DIAPH3: variants seen among roughly 807,000 people sequenced by gnomAD.
DIAPH3 encodes the protein protein diaphanous homolog 3.
Under a neutral mutation model 144.3 loss-of-function variants are expected in DIAPH3, and 117 were observed. The observed-to-expected ratio is 0.81, with a 90% CI of 0.70 to 0.95. The LOEUF is 0.95. DIAPH3 is among the 40% of genes least tolerant of loss of function. The probability of loss-of-function intolerance (pLI) is 0.00; values close to 1 mark genes in which losing one functional copy is unlikely to be tolerated. For synonymous variants in DIAPH3, 519 were observed against 488.9 expected (o/e 1.06, Z -0.81); for missense variants, 1,421 against 1,412.7 (o/e 1.01, Z -0.09).
At chr13:60,090,683 A>C (rs185495295) in intron 4 of DIAPH3, among the ~76,000 whole-genome samples, 130 of 152,312 alleles carry the variant, frequency 8.5e-4, no homozygotes, top group Admixed American at 3.1e-3. Flanking sequence ...GTGGCATGAC[A>C]AAGTCTGTAC....
chr13:59,993,804 C>G lies in DIAPH3; in HGVS notation c.1015-1221G>C, dbSNP rs978975071. Among the ~76,000 whole-genome samples, 3 of 149,038 alleles carry G rather than the reference C, an allele frequency of 2.0e-5. No individual in the cohort carries two copies. The Admixed American group carries it at 2.0e-4, about 10-fold the overall frequency. ...AAAAAGTCAAGTTTAAAATGTTTTC[C>G]TTCCACCCCCTTGCCAGTCATTACC... is the stretch of plus-strand genomic sequence containing the variant. On this transcript the variant is annotated intron_variant, in intron 9 of 27. Coordinates refer to ENST00000400324, the MANE Select transcript of DIAPH3 (RefSeq NM_001042517.2).
chr13:59,854,481 T>C (rs1288385894), intron 22 of DIAPH3, among the ~76,000 whole-genome samples: 1 of 152,132 alleles, frequency 6.6e-6, no homozygotes, highest in Non-Finnish European at 1.5e-5. Flanking sequence ...CCCCAATTGG[T>C]TACATGTCAA....
intron 4 of DIAPH3, among the ~76,000 whole-genome samples, chr13:60,084,043 T>TAGATAGAC (rs1555371908): frequency 2.0e-5 from 3 of 151,652 alleles, no homozygotes; most frequent in Non-Finnish European, 4.4e-5. Flanking sequence ...GATAGATAGA[T>TAGATAGAC]AGATAGATAG....
chr13:59,954,557 T>C (rs1159117391), intron 17 of DIAPH3, among the ~76,000 whole-genome samples: 3 of 152,174 alleles, frequency 2.0e-5, no homozygotes, highest in Non-Finnish European at 4.4e-5. Context: ...GTTAGTTGAC[T>C]TCTCTGGATT....
At chr13:60,076,342 T>C (rs774780556) in intron 4 of DIAPH3, among the ~76,000 whole-genome samples, 5 of 152,282 alleles carry the variant, frequency 3.3e-5, no homozygotes, top group Non-Finnish European at 7.4e-5. Flanking sequence ...ACCCCCTCTG[T>C]CGATCTTCCA....
rs768085712 is a variant in DIAPH3, at chr13:60,008,621, A to T, written c.937T>A (p.Ser313Thr). 6.2e-7 allele frequency: 1 copy of T among 1,613,700 alleles called. No homozygotes were observed. The highest frequency in any genetic ancestry group is 2.2e-5 in the East Asian group (1 of 44,822). Residue 313 changes from serine (S) to threonine (T), a missense_variant, in exon 9 of 28, where the codon TCA (serine) becomes ACA (threonine). Coordinates refer to ENST00000400324, the MANE Select transcript of DIAPH3 (RefSeq NM_001042517.2). ...TCAATTTTTTTTTCTTCACCAGCTG[A>T]AGTTAAAGCTTCTAAAACTTCTTCA... ...ILEEVLEALT[S>T]AGEEKKIDRF...
intron 9 of DIAPH3, among the ~76,000 whole-genome samples, chr13:60,007,686 A>C (rs2052969210): frequency 6.6e-6 from 1 of 152,228 alleles, no homozygotes; most frequent in Non-Finnish European, 1.5e-5. Flanking sequence ...CCACTTTTGA[A>C]CAATTATACC....
At chr13:59,822,936 C>T (rs1193681123) in intron 24 of DIAPH3, among the ~76,000 whole-genome samples, 2 of 151,718 alleles carry the variant, frequency 1.3e-5, no homozygotes, top group East Asian at 1.9e-4. Context: ...TAGGTTGTCA[C>T]CTTTTTAATT....
chr13:60,088,868 C>G (rs984936847), intron 4 of DIAPH3, among the ~76,000 whole-genome samples: 1 of 152,106 alleles, frequency 6.6e-6, no homozygotes, highest in African/African-American at 2.4e-5. Context: ...ATGATCCACC[C>G]GCCTCGGCCT....
chr13:60,086,700 C>T (rs1164603863), intron 4 of DIAPH3, among the ~76,000 whole-genome samples: 1 of 151,722 alleles, frequency 6.6e-6, no homozygotes, highest in Non-Finnish European at 1.5e-5. Flanking sequence ...TAAGTAAGAA[C>T]AACCAAAAAG....
intron 27 of DIAPH3, among the ~76,000 whole-genome samples, chr13:59,688,241 G>T (rs1341987139): frequency 6.6e-6 from 1 of 152,010 alleles, no homozygotes; most frequent in Non-Finnish European, 1.5e-5. Flanking sequence ...TGTTGGCCAA[G>T]CTAATCACTA....
intron 4 of DIAPH3, among the ~76,000 whole-genome samples, chr13:60,091,840 T>TTTA (rs910124699): frequency 3.3e-5 from 5 of 151,786 alleles, no homozygotes; most frequent in Admixed American, 2.0e-4. Context: ...TAATTTTGTT[T>TTTA]TTATTATTAT....
chr13:59,799,418 CACAGA>C (rs1275753106), intron 25 of DIAPH3, among the ~76,000 whole-genome samples: 1 of 141,696 alleles, frequency 7.1e-6, no homozygotes, highest in Non-Finnish European at 1.5e-5. Flanking sequence ...CACACACACA[CACAGA>C]AGGAGAATTG....
intron 10 of DIAPH3, 80 bp from the exon 11 acceptor site, chr13:59,992,266 A>G (rs1304194243): frequency 1.6e-6 from 2 of 1,234,920 alleles, no homozygotes; most frequent in Admixed American, 3.9e-5. Context: ...TAAACAATAA[A>G]CCAACCATTC....
intron 7 of DIAPH3, among the ~76,000 whole-genome samples, chr13:60,010,916 A>G (rs1312993084): frequency 6.6e-6 from 1 of 151,820 alleles, no homozygotes; most frequent in African/African-American, 2.4e-5. Context: ...GACCAGCCTG[A>G]GCAACATGGA....
At chr13:59,796,282 G>T (rs934767733) in intron 25 of DIAPH3, among the ~76,000 whole-genome samples, 3 of 152,138 alleles carry the variant, frequency 2.0e-5, no homozygotes, top group Non-Finnish European at 2.9e-5. Flanking sequence ...GATCACGGGA[G>T]GCCACTCTAC....
chr13:59,668,886 C>T (rs2032184268), intron 27 of DIAPH3, among the ~76,000 whole-genome samples: 1 of 151,056 alleles, frequency 6.6e-6, no homozygotes, highest in East Asian at 1.9e-4. Context: ...ACATACATAC[C>T]ATCTTATGAA....
intron 1 of DIAPH3, among the ~76,000 whole-genome samples, chr13:60,161,901 T>G (rs1281222390): frequency 1.3e-5 from 2 of 152,202 alleles, no homozygotes; most frequent in African/African-American, 4.8e-5. Flanking sequence ...AGTAGCAGAT[T>G]AGACATAGCT....
chr13:59,666,964 C>T (rs1356668525), intron 27 of DIAPH3, 118 bp from the exon 28 acceptor site: 6 of 1,224,878 alleles, frequency 4.9e-6, no homozygotes, highest in Non-Finnish European at 5.8e-6. Context: ...CTTAGATAGA[C>T]TAAACAAAGA....
Sources: allele counts gnomAD v4.1 joint callset (sites outside exome capture counted in the v4.1 genomes callset), GRCh38; gene constraint gnomAD v4.1.1; transcripts MANE v1.5; gene names NCBI Gene and HGNC (gene_info 2026-07-23, HGNC 2026-07-21).